The following WWOX variants were observed in gnomAD, a reference collection of about 807,000 sequenced individuals.
WWOX encodes the protein WW domain containing oxidoreductase.
In WWOX, 69 loss-of-function variants were observed where a neutral mutation model predicts 46.2. The ratio of observed to expected loss-of-function variants is 1.49; its 90% CI spans 1.23 to 1.82. The LOEUF (loss-of-function observed/expected upper bound fraction) is 1.82. WWOX is among the 40% of genes most tolerant of loss of function. The pLI, the probability that WWOX is intolerant of heterozygous loss-of-function variation, is 0.00. For missense variants in WWOX, 919 were observed against 542.6 expected, an observed-to-expected ratio of 1.69 and a Z score of -6.89; for synonymous variants, 359 against 202.6, an observed-to-expected ratio of 1.77 and a Z score of -6.56.
chr16:78,897,082 G>GAAAAAAAAAAAA (rs200661293), intron 8 of WWOX: 1 of 138,896 alleles, frequency 7.2e-6, no homozygotes, highest in Non-Finnish European at 1.6e-5. Flanking sequence ...ACAAAAAAAA[G>GAAAAAAAAAAAA]AAAAAAAAAA....
intron 8 of WWOX, among the ~76,000 whole-genome samples, chr16:79,158,317 T>C (rs116499676): frequency 1.4e-3 from 211 of 152,148 alleles, no homozygotes; most frequent in African/African-American, 4.5e-3. Context: ...GACTAGCAAA[T>C]AGAGTTTTCA....
At chr16:78,691,567 G>A (rs2047988753) in intron 8 of WWOX, among the ~76,000 whole-genome samples, 1 of 152,072 alleles carries the variant, frequency 6.6e-6, no homozygotes, top group South Asian at 2.1e-4. Flanking sequence ...AATTATCTGG[G>A]TATAGTGGTG....
At chr16:78,167,156 T>A (rs1366977241) in intron 5 of WWOX, 1 of 152,190 alleles carries the variant, frequency 6.6e-6, no homozygotes, top group Non-Finnish European at 1.5e-5. Flanking sequence ...GAGAACACAA[T>A]ATATATGAGA....
chr16:78,340,017 T>TCG (rs796485170), intron 5 of WWOX, among the ~76,000 whole-genome samples: 168 of 6,792 alleles, frequency 0.025, 34 homozygotes, highest in African/African-American at 0.061. Flanking sequence ...ATGGATTTGG[T>TCG]GGGGGGGGGG....
At chr16:78,594,018 C>T (rs1379794556) in intron 8 of WWOX, among the ~76,000 whole-genome samples, 1 of 152,138 alleles carries the variant, frequency 6.6e-6, no homozygotes, top group Non-Finnish European at 1.5e-5. Context: ...GTTTCGTCTC[C>T]TGTCAATTGG....
chr16:78,863,493 C>T (rs1244320003), intron 8 of WWOX, among the ~76,000 whole-genome samples: 2 of 152,090 alleles, frequency 1.3e-5, no homozygotes, highest in African/African-American at 2.4e-5. Context: ...ACCAATGGAC[C>T]ACTGGTCCCT....
At chr16:78,974,122 A>G (rs1249806855) in intron 8 of WWOX, among the ~76,000 whole-genome samples, 1 of 152,242 alleles carries the variant, frequency 6.6e-6, no homozygotes, top group African/African-American at 2.4e-5. Flanking sequence ...TCTGCGCTTG[A>G]AAGTGCAGTG....
intron 8 of WWOX, among the ~76,000 whole-genome samples, chr16:78,984,555 C>T (rs887126511): frequency 6.6e-6 from 1 of 152,190 alleles, no homozygotes; most frequent in Non-Finnish European, 1.5e-5. Context: ...GGATGACTCA[C>T]ATGAGCAGAG....
chr16:79,178,713 T>C (rs1402642142), intron 8 of WWOX, among the ~76,000 whole-genome samples: 1 of 152,240 alleles, frequency 6.6e-6, no homozygotes, highest in African/African-American at 2.4e-5. Flanking sequence ...AGGTATGGGA[T>C]GTGCCTACCT....
At chr16:78,819,659 C>T (rs2051439409) in intron 8 of WWOX, among the ~76,000 whole-genome samples, 1 of 152,208 alleles carries the variant, frequency 6.6e-6, no homozygotes, top group Admixed American at 6.5e-5. Context: ...TTGCTAACAC[C>T]ACCACCTTGC....
intron 8 of WWOX, among the ~76,000 whole-genome samples, chr16:78,930,077 C>T (rs770673305): frequency 1.2e-4 from 18 of 152,040 alleles, no homozygotes; most frequent in Non-Finnish European, 1.2e-4. Flanking sequence ...TAGCTTCTTG[C>T]CTTCTTCACA....
chr16:78,583,896 G>A (rs1036317925), intron 8 of WWOX, among the ~76,000 whole-genome samples: 9 of 152,226 alleles, frequency 5.9e-5, no homozygotes, highest in Non-Finnish European at 1.3e-4. Flanking sequence ...CTGTTTGGGG[G>A]AATATTTTAG....
At chr16:78,748,633 A>G (rs1300430557) in intron 8 of WWOX, among the ~76,000 whole-genome samples, 1 of 152,172 alleles carries the variant, frequency 6.6e-6, no homozygotes, top group Non-Finnish European at 1.5e-5. Context: ...GCATGAAGTC[A>G]CTGGGCCCAG....
intron 8 of WWOX, among the ~76,000 whole-genome samples, chr16:78,952,962 C>G (rs971081681): frequency 6.6e-6 from 1 of 151,694 alleles, no homozygotes; most frequent in Non-Finnish European, 1.5e-5. Context: ...AAGGCTTCAG[C>G]AAAACCACAC....
At chr16:79,004,622 G>C (rs1349662656) in intron 8 of WWOX, 2 of 152,270 alleles carry the variant, frequency 1.3e-5, no homozygotes, top group African/African-American at 4.8e-5. Flanking sequence ...ATATGCTTTT[G>C]AAGCCCGTAC....
At chr16:78,951,268 G>C (rs750529056) in intron 8 of WWOX, among the ~76,000 whole-genome samples, 19 of 152,154 alleles carry the variant, frequency 1.2e-4, no homozygotes, top group Non-Finnish European at 2.6e-4. Flanking sequence ...TTCATTTGCA[G>C]ACATGGCCAG....
At chr16:79,209,425 T>C (rs1471877913) in intron 8 of WWOX, among the ~76,000 whole-genome samples, 1 of 152,216 alleles carries the variant, frequency 6.6e-6, no homozygotes, top group Non-Finnish European at 1.5e-5. Context: ...AACGGACTGC[T>C]TTGGTCTTTC....
chr16:78,527,991 CTTTTTT>C lies in WWOX; in HGVS notation c.1056+95259_1056+95264del, dbSNP rs71140808. Among the ~76,000 whole-genome samples, 138 of 34,884 alleles carry C rather than the reference CTTTTTT, an allele frequency of 4.0e-3. 3 individuals are homozygous for C. Among genetic ancestry groups the C allele is most frequent in the South Asian group, 8.0e-3 (6 of 748 alleles). The allele number at this position is 34,884 out of a possible 152,430, so 22.9% of individuals were successfully genotyped here. On this transcript the variant is annotated intron_variant, in intron 8 of 8. Coordinates refer to ENST00000566780, the MANE Select transcript of WWOX (RefSeq NM_016373.4). ...CTATGTCACAGGACTGGTACATGTC[CTTTTTT>C]TTTTTTTTTTTTTTTTTTTGAGACG...
chr16:79,152,984 G>A (rs1043121452), intron 8 of WWOX, among the ~76,000 whole-genome samples: 1 of 152,100 alleles, frequency 6.6e-6, no homozygotes, highest in Non-Finnish European at 1.5e-5. Flanking sequence ...GCTTGCTGGG[G>A]GAAATACAAG....
Sources: gnomAD v4.1 joint callset for allele counts (sites outside exome capture counted in the v4.1 genomes callset) on GRCh38, gnomAD v4.1.1 for gene constraint, MANE v1.5 for transcripts, NCBI Gene and HGNC (gene_info 2026-07-23, HGNC 2026-07-21) for gene names.